Variants in RALGAPA2 observed in about 807,000 individuals in gnomAD.
RALGAPA2 encodes ral GTPase-activating protein subunit alpha-2.
Under a neutral mutation model 230.4 loss-of-function variants are expected in RALGAPA2, and 139 were observed. The observed-to-expected ratio is 0.60, with a 90% CI of 0.53 to 0.69. The LOEUF (loss-of-function observed/expected upper bound fraction) is 0.69, where lower values mean the gene tolerates loss of function less well. RALGAPA2 is among the 30% of genes least tolerant of loss of function. RALGAPA2 has a pLI of 0.00. For missense variants in RALGAPA2, 2,163 were observed against 2,276.0 expected, an observed-to-expected ratio of 0.95 and a Z score of 1.01; for synonymous variants, 847 against 837.8, an observed-to-expected ratio of 1.01 and a Z score of -0.19.
intron 23 of RALGAPA2, among the ~76,000 whole-genome samples, chr20:20,563,135 G>A (rs1003445401): frequency 1.3e-5 from 2 of 152,182 alleles, no homozygotes; most frequent in African/African-American, 4.8e-5. Flanking sequence ...GGAGAGGACT[G>A]TCATCTCTCA....
rs148125366 is a variant in RALGAPA2 at position 20,592,094 on chromosome 20, T to C, written c.2204-780A>G. ...TCTTTCTAGAGTCACAGCTTCAGGG[T>C]TGCACCACCTTTTACGTAGGTTGTT... On this transcript the variant is annotated intron_variant, in intron 16 of 39. Transcript: ENST00000202677. Among the ~76,000 whole-genome samples the C allele has an allele frequency of 5.3e-3, 811 of 152,278 alleles. 6 individuals carry two copies. Among genetic ancestry groups the C allele is most frequent in the African/African-American group, 0.019 (773 of 41,560 alleles).
At chr20:20,434,336 T>C (rs181493136) in intron 37 of RALGAPA2, among the ~76,000 whole-genome samples, 1 of 152,168 alleles carries the variant, frequency 6.6e-6, no homozygotes, top group African/African-American at 2.4e-5. Flanking sequence ...AACGAGGCCT[T>C]GGATTTTAAA....
chr20:20,678,690 C>A (rs940438191), intron 2 of RALGAPA2, among the ~76,000 whole-genome samples: 1 of 152,154 alleles, frequency 6.6e-6, no homozygotes, highest in Admixed American at 6.5e-5. Flanking sequence ...TCCTCAATAA[C>A]CTTCCCGTGA....
intron 38 of RALGAPA2, among the ~76,000 whole-genome samples, chr20:20,397,838 A>G (rs2059749799): frequency 1.3e-5 from 2 of 152,194 alleles, no homozygotes; most frequent in Admixed American, 1.3e-4. Flanking sequence ...CTTTCTCCCA[A>G]GAAAATTATT....
At chr20:20,581,918 T>C (rs1010795832) in intron 20 of RALGAPA2, among the ~76,000 whole-genome samples, 1 of 152,168 alleles carries the variant, frequency 6.6e-6, no homozygotes, top group Non-Finnish European at 1.5e-5. Flanking sequence ...ACTCTTAACA[T>C]GTTACTTTGT....
chr20:20,394,392 C>G (rs1261291067), intron 39 of RALGAPA2, among the ~76,000 whole-genome samples: 2 of 152,142 alleles, frequency 1.3e-5, no homozygotes, highest in Non-Finnish European at 2.9e-5. Flanking sequence ...TTAAAACAGG[C>G]TGCAGCCGGG....
chr20:20,575,661 T>A (rs2064796808), intron 20 of RALGAPA2, among the ~76,000 whole-genome samples: 1 of 152,158 alleles, frequency 6.6e-6, no homozygotes. Flanking sequence ...CCTCCTACTT[T>A]TGTAGCTACC....
intron 1 of RALGAPA2, among the ~76,000 whole-genome samples, chr20:20,688,381 A>C (rs554097338): frequency 2.6e-5 from 4 of 152,328 alleles, no homozygotes; most frequent in Non-Finnish European, 5.9e-5. Flanking sequence ...GAAAATACTA[A>C]TTTACAAAGC....
chr20:20,393,214 G>C lies in RALGAPA2; in HGVS notation c.*75C>G. The C allele has an allele frequency of 7.4e-7, 1 of 1,352,842 alleles. No homozygotes were observed. Among genetic ancestry groups the C allele is most frequent in the Non-Finnish European group, 9.8e-7 (1 of 1,015,448 alleles). 83.8% of individuals were successfully genotyped at this position (1,352,842 alleles called of 1,614,324 possible). ...GTGTTCTGTCTCCTCCTCACTCAGG[G>C]GCTCTTCGAGGTCAGCACTCAGACT... On this transcript the variant is annotated 3_prime_UTR_variant, in exon 40 of 40. Transcript: ENST00000202677.
At chr20:20,477,256 G>A (rs2061673930) in intron 36 of RALGAPA2, among the ~76,000 whole-genome samples, 1 of 152,154 alleles carries the variant, frequency 6.6e-6, no homozygotes, top group African/African-American at 2.4e-5. Flanking sequence ...CAAGAATACA[G>A]AGGATTTGAA....
At chr20:20,653,128 G>A (rs1339420551) in intron 4 of RALGAPA2, among the ~76,000 whole-genome samples, 5 of 145,514 alleles carry the variant, frequency 3.4e-5, no homozygotes, top group South Asian at 2.2e-4. Flanking sequence ...CTCGGGAGGC[G>A]GAGGTTGCAA....
In RALGAPA2 at chr20:20,596,236, G is replaced by A. The variant is rs150738291; in HGVS notation, c.2204-4922C>T. The stretch of plus-strand genomic sequence containing the variant: ...CAAAAGATCAGAAAAACAAACAATC[G>A]TAGCTAAAAGTAAGTAATTGTCTAT... On this transcript the variant is annotated intron_variant, in intron 16 of 39. Coordinates refer to ENST00000202677, the MANE Select transcript of RALGAPA2 (RefSeq NM_020343.4). Among the ~76,000 whole-genome samples the A allele has an allele frequency of 9.6e-4, 146 of 152,138 alleles. 1 individual carries two copies. Among genetic ancestry groups the A allele is most frequent in the African/African-American group, 3.2e-3 (134 of 41,510 alleles).
chr20:20,427,905 C>T (rs1354312437), intron 37 of RALGAPA2, among the ~76,000 whole-genome samples: 1 of 152,000 alleles, frequency 6.6e-6, no homozygotes, highest in African/African-American at 2.4e-5. Flanking sequence ...AACATTTCTA[C>T]TCCATTTCAG....
At chr20:20,438,116 C>T (rs925622659) in intron 37 of RALGAPA2, among the ~76,000 whole-genome samples, 1 of 152,220 alleles carries the variant, frequency 6.6e-6, no homozygotes, top group East Asian at 1.9e-4. Context: ...CTATCCTATC[C>T]TCTAGCTGAA....
chr20:20,596,691 C>T (rs1366092350), intron 16 of RALGAPA2, among the ~76,000 whole-genome samples: 1 of 152,198 alleles, frequency 6.6e-6, no homozygotes, highest in Non-Finnish European at 1.5e-5. Flanking sequence ...GTTCTTTCAC[C>T]CTTTGTGCTA....
At chr20:20,473,097 C>G in intron 36 of RALGAPA2, 141 bp from the exon 37 acceptor site, 2 of 868,152 alleles carry the variant, frequency 2.3e-6, no homozygotes, top group Non-Finnish European at 3.4e-6. Flanking sequence ...TAACAGGACA[C>G]AGGTCTAGGG....
chr20:20,474,297 C>A (rs938155635), intron 36 of RALGAPA2, among the ~76,000 whole-genome samples: 1 of 151,898 alleles, frequency 6.6e-6, no homozygotes, highest in Non-Finnish European at 1.5e-5. Flanking sequence ...TGGGGCCAAG[C>A]GAGAAAAAGG....
At chr20:20,704,607 T>C (rs955869376) in intron 1 of RALGAPA2, among the ~76,000 whole-genome samples, 3 of 152,154 alleles carry the variant, frequency 2.0e-5, no homozygotes, top group Non-Finnish European at 4.4e-5. Flanking sequence ...GCTCCCCACA[T>C]GGTGGGAAAA....
intron 1 of RALGAPA2, among the ~76,000 whole-genome samples, chr20:20,710,074 C>T (rs2069788346): frequency 6.6e-6 from 1 of 152,138 alleles, no homozygotes; most frequent in Non-Finnish European, 1.5e-5. Flanking sequence ...CAGAGACAGG[C>T]TACGTAACTA....
Sources: allele counts gnomAD v4.1 joint callset (sites outside exome capture counted in the v4.1 genomes callset), GRCh38; gene constraint gnomAD v4.1.1; transcripts MANE v1.5; gene names NCBI Gene and HGNC (gene_info 2026-07-23, HGNC 2026-07-21).